The following CCDC124 variants were observed in gnomAD, a reference collection of about 807,000 sequenced individuals.
The protein encoded by CCDC124 is coiled-coil domain-containing protein 124.
In CCDC124, 9 loss-of-function variants were observed where a neutral mutation model predicts 19.8. The ratio of observed to expected loss-of-function variants is 0.45; its 90% confidence interval spans 0.27 to 0.79. The LOEUF is 0.79. Ranked by LOEUF, CCDC124 falls within the 30% of genes least tolerant of loss-of-function variation. CCDC124 has a pLI of 0.14. For synonymous variants in CCDC124, 126 were observed against 131.3 expected (o/e 0.96, Z 0.27); for missense variants, 285 against 319.0 (o/e 0.89, Z 0.81).
At chr19:17,934,043 G>GCCTGGGTGAAAAACAGCATT (rs2031004737) in intron 1 of CCDC124, among the ~76,000 whole-genome samples, 1 of 152,022 alleles carries the variant, frequency 6.6e-6, no homozygotes, top group African/African-American at 2.4e-5. Flanking sequence ...AGCAGAAATT[G>GCCTGGGTGAAAAACAGCATT]CCAGGCACTG....
chr19:17,938,517 G>C (rs1236509792), intron 2 of CCDC124, among the ~76,000 whole-genome samples: 1 of 152,198 alleles, frequency 6.6e-6, no homozygotes, highest in Admixed American at 6.5e-5. Flanking sequence ...CAACCCCCCA[G>C]CTTAGGGGCT....
At chr19:17,943,442 G>A in intron 4 of CCDC124, 66 bp from the exon 5 acceptor site, 1 of 1,560,358 alleles carries the variant, frequency 6.4e-7, no homozygotes, top group Admixed American at 1.9e-5. Context: ...GCTACCTGGG[G>A]GCGGGGCCGG....
At chr19:17,940,310 C>T (rs191823006) in intron 2 of CCDC124, among the ~76,000 whole-genome samples, 51 of 152,182 alleles carry the variant, frequency 3.4e-4, no homozygotes, top group African/African-American at 1.2e-3. Flanking sequence ...TGCATGCATC[C>T]GGGACAAGGT....
chr19:17,934,149 C>A (rs1167774996), intron 1 of CCDC124, among the ~76,000 whole-genome samples: 1 of 150,710 alleles, frequency 6.6e-6, no homozygotes, highest in Non-Finnish European at 1.5e-5. Flanking sequence ...CATAGTGAAA[C>A]CCCGTCTCTA....
chr19:17,942,315 G>C lies in CCDC124; in HGVS notation c.160-341G>C, dbSNP rs993224557. Among the ~76,000 whole-genome samples the C allele has an allele frequency of 1.3e-5, 2 of 152,056 alleles. No individual in the cohort carries two copies. The highest frequency in any genetic ancestry group is 2.4e-5 in the African/African-American group (1 of 41,382). On this transcript the variant is annotated intron_variant, in intron 2 of 4. Coordinates refer to ENST00000445755, the MANE Select transcript of CCDC124 (RefSeq NM_001136203.2). This position sits in a 1 kb window ranked among gnomAD's most constrained non-coding sequence, Gnocchi z 4.2. ...TCACTCCCACTCCAGCCTCCAAGCTGTTCCTGTTACAACAAATGGCTCCTG... is the reference window on the plus strand; with the variant it reads ...TCACTCCCACTCCAGCCTCCAAGCTCTTCCTGTTACAACAAATGGCTCCTG...
At chr19:17,936,719 G>A (rs1475504403) in intron 2 of CCDC124, 140 bp downstream of exon 2, 5 of 1,062,434 alleles carry the variant, frequency 4.7e-6, no homozygotes, top group South Asian at 1.7e-5. Context: ...TGTCGCTCAC[G>A]CCTGTCATCC....
intron 2 of CCDC124, among the ~76,000 whole-genome samples, chr19:17,937,452 G>C (rs2147779166): frequency 6.6e-6 from 1 of 152,252 alleles, no homozygotes; most frequent in East Asian, 1.9e-4. Context: ...GTCAGGGTTG[G>C]GCTAGATGGT....
At position 17,943,241 on chromosome 19, in the gene CCDC124, T is replaced by TGGGGGGGGC; in HGVS notation, c.350-20_350-19insGGGGGGGGC. ...CTTTGCTTATCTCTCTCTGTCTCTG[T>TGGGGGGGGC]CACCCACCCACCCGCCCAGCCGAGA... On this transcript the variant is annotated intron_variant, in intron 3 of 4. Coordinates refer to ENST00000445755, the MANE Select transcript of CCDC124 (RefSeq NM_001136203.2). 8 of 736,650 alleles carry TGGGGGGGGC rather than the reference T, an allele frequency of 1.1e-5. No homozygotes were observed. The highest frequency in any genetic ancestry group is 1.8e-5 in the African/African-American group (1 of 57,132). The allele number at this position is 736,650 out of a possible 1,614,324, so 45.6% of individuals were successfully genotyped here. A position where few individuals can be genotyped will look rare whatever the true frequency, so the allele number is the denominator to read the frequency against.
At chr19:17,943,443 G>T in intron 4 of CCDC124, 65 bp from the exon 5 acceptor site, 1 of 1,560,018 alleles carries the variant, frequency 6.4e-7, no homozygotes, top group South Asian at 1.2e-5. Context: ...CTACCTGGGG[G>T]CGGGGCCGGG....
At chr19:17,941,533 T>C (rs1217276892) in intron 2 of CCDC124, among the ~76,000 whole-genome samples, 1 of 148,346 alleles carries the variant, frequency 6.7e-6, no homozygotes, top group Non-Finnish European at 1.5e-5. Context: ...AAAAGGACCC[T>C]GTCTGAGGCA....
intron 2 of CCDC124, among the ~76,000 whole-genome samples, chr19:17,938,251 G>A (rs1036295890): frequency 2.0e-5 from 3 of 152,138 alleles, no homozygotes; most frequent in African/African-American, 7.2e-5. Flanking sequence ...GAGGTGAGAG[G>A]ATCACTTGAG....
chr19:17,939,995 A>T (rs2031145440), intron 2 of CCDC124, among the ~76,000 whole-genome samples: 1 of 145,178 alleles, frequency 6.9e-6, no homozygotes, highest in Non-Finnish European at 1.5e-5. Context: ...GTTCACTGCA[A>T]CCTCCGCCTC....
At chr19:17,933,546 C>T (rs1483904252) in intron 1 of CCDC124, among the ~76,000 whole-genome samples, 1 of 152,190 alleles carries the variant, frequency 6.6e-6, no homozygotes, top group African/African-American at 2.4e-5. Flanking sequence ...CTCCTGCCAT[C>T]TGGGGAGTCC....
At position 17,943,775 on chromosome 19, in the gene CCDC124, C is replaced by G; in HGVS notation, c.*60C>G. The G allele has an allele frequency of 1.3e-6, 2 of 1,529,480 alleles. No homozygotes were observed. Among genetic ancestry groups the G allele is most frequent in the Non-Finnish European group, 1.8e-6 (2 of 1,116,412 alleles). 94.7% of individuals were successfully genotyped at this position (1,529,480 alleles called of 1,614,324 possible). A position where few individuals can be genotyped will look rare whatever the true frequency, so the allele number is the denominator to read the frequency against. ...GGTCCAGGTCACGACTCTGCACGCCCTTAGGCCAGGTCAGCTGCGAGGGTC... is the reference window on the plus strand; with the variant it reads ...GGTCCAGGTCACGACTCTGCACGCCGTTAGGCCAGGTCAGCTGCGAGGGTC... On this transcript the variant is annotated 3_prime_UTR_variant, in exon 5 of 5. Coordinates refer to ENST00000445755, the MANE Select transcript of CCDC124 (RefSeq NM_001136203.2).
intron 2 of CCDC124, among the ~76,000 whole-genome samples, chr19:17,940,450 G>A: frequency 6.6e-6 from 1 of 152,124 alleles, no homozygotes; most frequent in Non-Finnish European, 1.5e-5. Context: ...TTAGCAAATA[G>A]GTGTGGCTGC....
chr19:17,940,253 C>T (rs2031150570), intron 2 of CCDC124, among the ~76,000 whole-genome samples: 1 of 152,076 alleles, frequency 6.6e-6, no homozygotes, highest in Admixed American at 6.6e-5. Context: ...GCATGCCTGT[C>T]CTAGGAGTGT....
Position 17,936,807 on chromosome 19 carries a change from C to G in CCDC124, c.159+228C>G, listed in dbSNP as rs575295418. On this transcript the variant is annotated intron_variant, in intron 2 of 4. Coordinates refer to ENST00000445755, the MANE Select transcript of CCDC124 (RefSeq NM_001136203.2). Reference sequence around the variant, plus strand: ...ATCAGCCTGGCCAACATGATGAAACCCTGTCTCTACTAAAAATACAAAAAT... The same window carrying G: ...ATCAGCCTGGCCAACATGATGAAACGCTGTCTCTACTAAAAATACAAAAAT... 314 of 466,986 alleles carry G rather than the reference C, an allele frequency of 6.7e-4. 2 individuals are homozygous for G. The highest frequency in any genetic ancestry group is 5.5e-3 in the African/African-American group (275 of 50,088). The allele number at this position is 466,986 out of a possible 1,614,324, so 28.9% of individuals were successfully genotyped here. A position where few individuals can be genotyped will look rare whatever the true frequency, so the allele number is the denominator to read the frequency against.
chr19:17,942,838 G>C lies in CCDC124; in HGVS notation c.342G>C (p.Pro114=). The C allele has an allele frequency of 6.6e-7, 1 of 1,511,320 alleles. No individual in the cohort carries two copies. The highest frequency in any genetic ancestry group is 8.9e-7 in the Non-Finnish European group (1 of 1,129,762). 93.6% of individuals were successfully genotyped at this position (1,511,320 alleles called of 1,614,324 possible). The change falls in exon 3 of 5, where the codon CCG becomes CCC. Residue 114 remains proline, a synonymous_variant. Transcript: ENST00000445755. The surrounding 1 kb of genome is among the most constrained non-coding windows in gnomAD (Gnocchi z 4.2). ...GAGACCATCAGCTCAGGGAGGCCCC[G>C]GACACAGGTCGGGCGGCATCCCGCT... ...LRRDHQLREA[P]DTAEKAKSHL... is the part of the protein sequence containing the mutation.
intron 2 of CCDC124, among the ~76,000 whole-genome samples, chr19:17,938,663 C>G (rs931078101): frequency 6.6e-6 from 1 of 152,130 alleles, no homozygotes; most frequent in African/African-American, 2.4e-5. Flanking sequence ...AGGATCACAG[C>G]TCAATGCAGT....
Sources: allele counts gnomAD v4.1 joint callset (sites outside exome capture counted in the v4.1 genomes callset), GRCh38; gene constraint gnomAD v4.1.1; non-coding constraint Gnocchi (gnomAD v3.1); transcripts MANE v1.5; gene names NCBI Gene and HGNC (gene_info 2026-07-23, HGNC 2026-07-21).